Variants in RALGPS1 observed in about 807,000 individuals in gnomAD.
RALGPS1 encodes the protein Ral GEF with PH domain and SH3 binding motif 1, also known as ras-specific guanine nucleotide-releasing factor RalGPS1.
In RALGPS1, 19 loss-of-function variants were observed where a neutral mutation model predicts 78.8. The ratio of observed to expected loss-of-function variants is 0.24; its 90% CI spans 0.17 to 0.35. The LOEUF is 0.35. Among genes scored for constraint, RALGPS1 ranks in the 10% least tolerant of loss-of-function variants. The probability of loss-of-function intolerance (pLI) is 1.00; values close to 1 mark genes in which losing one functional copy is unlikely to be tolerated. For synonymous variants in RALGPS1, 228 were observed against 256.3 expected (o/e 0.89, Z 1.06); for missense variants, 454 against 688.3 (o/e 0.66, Z 3.81).
At chr9:126,961,046 G>A (rs528212269) in intron 1 of RALGPS1, among the ~76,000 whole-genome samples, 3 of 151,950 alleles carry the variant, frequency 2.0e-5, no homozygotes, top group South Asian at 2.1e-4. Flanking sequence ...TCCTCTCCTC[G>A]CCTTCCTCCC....
chr9:127,001,937 A>G (rs2043347266), intron 4 of RALGPS1, among the ~76,000 whole-genome samples: 4 of 152,194 alleles, frequency 2.6e-5, no homozygotes, highest in Admixed American at 2.6e-4. Flanking sequence ...ATATTAATAC[A>G]TTTGCATTAA....
At chr9:126,935,690 C>T (rs977395683) in intron 1 of RALGPS1, among the ~76,000 whole-genome samples, 2 of 152,198 alleles carry the variant, frequency 1.3e-5, no homozygotes, top group African/African-American at 2.4e-5. Context: ...ATTGGTTCTC[C>T]TAAGGAGGAT....
intron 1 of RALGPS1, among the ~76,000 whole-genome samples, chr9:126,952,526 G>A (rs1411749193): frequency 1.3e-5 from 2 of 152,070 alleles, no homozygotes; most frequent in Non-Finnish European, 1.5e-5. Flanking sequence ...TACACAAGGG[G>A]GCCTTTCTTG....
intron 1 of RALGPS1, among the ~76,000 whole-genome samples, chr9:126,926,156 T>C (rs1027721064): frequency 9.8e-5 from 15 of 152,366 alleles, no homozygotes; most frequent in African/African-American, 3.6e-4. Flanking sequence ...CTTTAGAGAT[T>C]GGTTGCTTCC....
At chr9:127,045,674 G>A (rs1238187545) in intron 5 of RALGPS1, among the ~76,000 whole-genome samples, 2 of 151,272 alleles carry the variant, frequency 1.3e-5, no homozygotes, top group Non-Finnish European at 2.9e-5. Flanking sequence ...GCTTAATACA[G>A]ATATAGATGG....
intron 3 of RALGPS1, among the ~76,000 whole-genome samples, chr9:126,972,495 C>T (rs1302689511): frequency 6.6e-6 from 1 of 152,166 alleles, no homozygotes; most frequent in Non-Finnish European, 1.5e-5. Flanking sequence ...AATATCTAAG[C>T]AGTGAACATC....
rs561032373 is a variant in RALGPS1 at position 127,211,391 on chromosome 9, G to A, written c.1248-740G>A. Among the ~76,000 whole-genome samples the A allele has an allele frequency of 3.7e-4, 57 of 152,320 alleles. No homozygotes were observed. In the South Asian group the frequency reaches 7.5e-3, roughly 20 times the overall value. On this transcript the variant is annotated intron_variant, in intron 14 of 18. Coordinates refer to ENST00000259351, the MANE Select transcript of RALGPS1 (RefSeq NM_014636.3). The surrounding 1 kb of genome is among the most constrained non-coding windows in gnomAD (Gnocchi z 5.0). ...GTGGCCTGAGGTGTAGTGGGATGGC[G>A]AAGATGGATGGTCAGACATATTTAG... is the stretch of plus-strand genomic sequence containing the variant.
At chr9:127,168,537 C>A in intron 9 of RALGPS1, 142 bp from the exon 10 acceptor site, 1 of 671,804 alleles carries the variant, frequency 1.5e-6, no homozygotes, top group East Asian at 2.6e-5. Context: ...GGGCCAGTCC[C>A]CAAAGAGCAT....
At chr9:127,147,826 G>C (rs1467941934) in intron 8 of RALGPS1, among the ~76,000 whole-genome samples, 1 of 152,146 alleles carries the variant, frequency 6.6e-6, no homozygotes, top group East Asian at 1.9e-4. Context: ...CACTGGTGGT[G>C]GTGTTATCAT....
In RALGPS1 at chr9:127,188,885, A is replaced by T. The variant is rs549733099; in HGVS notation, c.911-6206A>T. Among the ~76,000 whole-genome samples the T allele has an allele frequency of 2.0e-5, 3 of 147,182 alleles. No homozygotes were observed. In the Admixed American group the frequency reaches 2.1e-4, roughly 10 times the overall value. ...CATTGTGGCGTACGCCTATAATCCC[A>T]GCTGCTTGGGAGGTTAAGGCATGAG... On this transcript the variant is annotated intron_variant, in intron 11 of 18. Transcript: ENST00000259351.
At chr9:127,182,072 T>G (rs2060255879) in intron 11 of RALGPS1, among the ~76,000 whole-genome samples, 1 of 151,786 alleles carries the variant, frequency 6.6e-6, no homozygotes, top group South Asian at 2.1e-4. Context: ...GCGTGGTGGT[T>G]CATGCCTGTA....
At chr9:127,019,619 G>A (rs544834005) in intron 4 of RALGPS1, among the ~76,000 whole-genome samples, 2 of 152,226 alleles carry the variant, frequency 1.3e-5, no homozygotes, top group Admixed American at 1.3e-4. Flanking sequence ...GAGCAACCGC[G>A]CCTGGCTGCT....
At chr9:126,945,400 A>G (rs1365578875) in intron 1 of RALGPS1, among the ~76,000 whole-genome samples, 1 of 152,002 alleles carries the variant, frequency 6.6e-6, no homozygotes, top group Admixed American at 6.6e-5. Context: ...GGGTTTCGCC[A>G]TGTTAGCCAG....
rs1398389458 is a variant in RALGPS1, at chr9:127,212,241, G to A, written c.1353+5G>A. ...AAGGAAGGGCGGAAGCCTGCGGTAA[G>A]TACAGACCCACATCCACCGGGGCAG... On this transcript the variant is annotated splice_donor_5th_base_variant and intron_variant, in intron 15 of 18. Coordinates refer to ENST00000259351, the MANE Select transcript of RALGPS1 (RefSeq NM_014636.3). The surrounding 1 kb of genome is among the most constrained non-coding windows in gnomAD (Gnocchi z 6.0). The A allele has an allele frequency of 6.2e-7, 1 of 1,604,352 alleles. No individual in the cohort carries two copies. The highest frequency in any genetic ancestry group is 8.5e-7 in the Non-Finnish European group (1 of 1,173,704).
intron 8 of RALGPS1, among the ~76,000 whole-genome samples, chr9:127,094,926 T>G (rs1460020095): frequency 6.6e-6 from 1 of 152,210 alleles, no homozygotes; most frequent in Non-Finnish European, 1.5e-5. Flanking sequence ...CCCAGGCAGT[T>G]TCTTATGTTC....
chr9:127,022,391 G>C (rs1440982106), intron 4 of RALGPS1, among the ~76,000 whole-genome samples: 1 of 151,830 alleles, frequency 6.6e-6, no homozygotes, highest in Admixed American at 6.6e-5. Flanking sequence ...GTGCTTAAAG[G>C]GTTTGGGCCC....
At chr9:126,994,340 C>G (rs1416952198) in intron 4 of RALGPS1, among the ~76,000 whole-genome samples, 1 of 152,084 alleles carries the variant, frequency 6.6e-6, no homozygotes, top group African/African-American at 2.4e-5. Context: ...CTTAAAGGAC[C>G]TGATGGAGCT....
intron 4 of RALGPS1, among the ~76,000 whole-genome samples, chr9:127,007,422 T>C (rs2043940661): frequency 6.6e-6 from 1 of 152,122 alleles, no homozygotes; most frequent in African/African-American, 2.4e-5. Flanking sequence ...TTGTAGCCTA[T>C]GGAAGGAAGA....
chr9:127,155,009 C>T (rs2058633330), intron 8 of RALGPS1, among the ~76,000 whole-genome samples: 1 of 152,162 alleles, frequency 6.6e-6, no homozygotes, highest in Non-Finnish European at 1.5e-5. Context: ...CTTGCATTTC[C>T]TTTTAGTGAC....
Sources: allele counts gnomAD v4.1 joint callset (sites outside exome capture counted in the v4.1 genomes callset), GRCh38; gene constraint gnomAD v4.1.1; non-coding constraint Gnocchi (gnomAD v3.1); transcripts MANE v1.5; gene names NCBI Gene and HGNC (gene_info 2026-07-23, HGNC 2026-07-21).